Variants in DAB1 observed in about 807,000 individuals in gnomAD.
The protein encoded by DAB1 is disabled homolog 1.
A neutral mutation model predicts 64.6 loss-of-function variants in DAB1; 15 were observed. The observed-to-expected ratio is 0.23, with a 90% CI of 0.16 to 0.36. DAB1 has a LOEUF of 0.36. Among genes scored for constraint, DAB1 ranks in the 10% least tolerant of loss-of-function variants. The pLI, the probability that DAB1 is intolerant of heterozygous loss-of-function variation, is 1.00. For synonymous variants in DAB1, 235 were observed against 251.9 expected, an observed-to-expected ratio of 0.93 and a Z score of 0.64; for missense variants, 596 against 706.7, an observed-to-expected ratio of 0.84 and a Z score of 1.78.
intron 4 of DAB1, among the ~76,000 whole-genome samples, chr1:58,308,051 C>G (rs948461800): frequency 6.6e-6 from 1 of 152,108 alleles, no homozygotes; most frequent in African/African-American, 2.4e-5. Flanking sequence ...TAGAAAAATT[C>G]AGCTTATTCT....
chr1:57,392,433 A>C (rs1029826053), intron 1 of DAB1, among the ~76,000 whole-genome samples: 2 of 152,194 alleles, frequency 1.3e-5, no homozygotes, highest in Admixed American at 1.3e-4. Context: ...TATTAGGCTT[A>C]GTTTTCTTCC....
chr1:57,467,350 C>T (rs1686986629), intron 7 of DAB1, among the ~76,000 whole-genome samples: 2 of 152,210 alleles, frequency 1.3e-5, no homozygotes, highest in Middle Eastern at 6.8e-3. Flanking sequence ...ATTTTTCTGT[C>T]CTTGTTTCCT....
At chr1:58,347,049 G>A (rs1413494936) in intron 3 of DAB1, among the ~76,000 whole-genome samples, 2 of 151,962 alleles carry the variant, frequency 1.3e-5, no homozygotes, top group Non-Finnish European at 2.9e-5. Context: ...GATAGAAAAG[G>A]TACTTTATAA....
intron 3 of DAB1, among the ~76,000 whole-genome samples, chr1:58,502,907 G>T (rs1645928716): frequency 6.6e-6 from 1 of 152,108 alleles, no homozygotes; most frequent in South Asian, 2.1e-4. Context: ...TCTGAACTAG[G>T]ATAGTTTATT....
At chr1:57,632,351 T>A (rs1201378107) in intron 7 of DAB1, among the ~76,000 whole-genome samples, 1 of 152,132 alleles carries the variant, frequency 6.6e-6, no homozygotes, top group Non-Finnish European at 1.5e-5. Flanking sequence ...TTGTGTGAAA[T>A]TTGGTGTGTG....
intron 5 of DAB1, among the ~76,000 whole-genome samples, chr1:57,945,406 T>C (rs1645169432): frequency 6.6e-6 from 1 of 150,698 alleles, no homozygotes; most frequent in South Asian, 2.1e-4. Context: ...ACTACAGGCA[T>C]ATACCACCAC....
intron 4 of DAB1, among the ~76,000 whole-genome samples, chr1:58,158,579 G>A (rs1655343514): frequency 6.6e-6 from 1 of 152,176 alleles, no homozygotes; most frequent in South Asian, 2.1e-4. Context: ...TGGGAGTACA[G>A]CAAGTCAGAC....
chr1:57,802,626 C>T (rs941630883), intron 6 of DAB1, among the ~76,000 whole-genome samples: 2 of 152,096 alleles, frequency 1.3e-5, no homozygotes, highest in Admixed American at 1.3e-4. Context: ...GTCAGACTTC[C>T]CCCTTGATGT....
chr1:58,312,167 T>C (rs993485371), intron 4 of DAB1, among the ~76,000 whole-genome samples: 26 of 152,218 alleles, frequency 1.7e-4, no homozygotes, highest in African/African-American at 4.6e-4. Flanking sequence ...CCCTGCTCGG[T>C]GTGTGGCTCT....
chr1:57,537,389 A>T (rs1322860734), intron 7 of DAB1, among the ~76,000 whole-genome samples: 6 of 152,224 alleles, frequency 3.9e-5, no homozygotes, highest in Admixed American at 1.3e-4. Flanking sequence ...TCCAACGGCT[A>T]TGATCACCCC....
intron 6 of DAB1, among the ~76,000 whole-genome samples, chr1:57,806,977 T>G (rs533400299): frequency 6.6e-6 from 1 of 152,220 alleles, no homozygotes; most frequent in Non-Finnish European, 1.5e-5. Context: ...CTGCATGTAG[T>G]AGTCACTCAG....
chr1:58,287,786 C>T (rs1661722271), intron 4 of DAB1, among the ~76,000 whole-genome samples: 1 of 152,032 alleles, frequency 6.6e-6, no homozygotes, highest in African/African-American at 2.4e-5. Context: ...CTTCGGGAGG[C>T]TGAGGCAGGC....
intron 2 of DAB1, among the ~76,000 whole-genome samples, chr1:57,241,632 G>T (rs749707723): frequency 6.6e-6 from 1 of 152,192 alleles, no homozygotes; most frequent in Non-Finnish European, 1.5e-5. Flanking sequence ...AAGGTTTGCA[G>T]TTGTACATTG....
At chr1:57,128,077 G>A (rs1657302197) in intron 4 of DAB1, among the ~76,000 whole-genome samples, 1 of 151,968 alleles carries the variant, frequency 6.6e-6, no homozygotes, top group Non-Finnish European at 1.5e-5. Context: ...AACCCAGAAG[G>A]TGGAGGTTGC....
intron 1 of DAB1, among the ~76,000 whole-genome samples, chr1:57,340,922 A>G (rs573482285): frequency 7.9e-4 from 120 of 152,164 alleles, no homozygotes; most frequent in Non-Finnish European, 1.3e-3. Flanking sequence ...CCACTTGTGG[A>G]TGACAGGCAC....
At chr1:57,955,636 T>C (rs577664087) in intron 5 of DAB1, among the ~76,000 whole-genome samples, 73 of 152,088 alleles carry the variant, frequency 4.8e-4, no homozygotes, top group Non-Finnish European at 8.8e-4. Context: ...AAGACTGAAA[T>C]AGAGGATACA....
chr1:57,539,956 C>T (rs139960880), intron 7 of DAB1, among the ~76,000 whole-genome samples: 324 of 152,298 alleles, frequency 2.1e-3, no homozygotes, highest in African/African-American at 7.1e-3. Flanking sequence ...ATTAGTGAGG[C>T]TGTCCCTTAA....
intron 2 of DAB1, among the ~76,000 whole-genome samples, chr1:57,171,756 A>AGCATGCTGT: frequency 6.6e-6 from 1 of 152,240 alleles, no homozygotes; most frequent in Admixed American, 6.5e-5. Flanking sequence ...TTATGTCTGC[A>AGCATGCTGT]CAGTTTATGT....
At chr1:57,039,190 GC>G (rs1354093644) in intron 9 of DAB1, among the ~76,000 whole-genome samples, 1 of 152,190 alleles carries the variant, frequency 6.6e-6, no homozygotes, top group Non-Finnish European at 1.5e-5. Context: ...TATCATTTAA[GC>G]CTCAGTTTCC....
Sources: allele counts gnomAD v4.1 joint callset (sites outside exome capture counted in the v4.1 genomes callset), GRCh38; gene constraint gnomAD v4.1.1; transcripts MANE v1.5; gene names NCBI Gene and HGNC (gene_info 2026-07-23, HGNC 2026-07-21).